Variants in PRDM11 observed in about 807,000 individuals in gnomAD.
PRDM11 encodes the protein PR domain-containing protein 11.
Under a neutral mutation model 97.8 loss-of-function variants are expected in PRDM11, and 20 were observed. That is an observed-to-expected ratio of 0.20 (90% CI 0.14 to 0.30). The LOEUF (loss-of-function observed/expected upper bound fraction) is 0.30, where lower values mean the gene tolerates loss of function less well. Ranked by LOEUF, PRDM11 falls within the 10% of genes least tolerant of loss-of-function variation. The probability of loss-of-function intolerance (pLI) is 1.00; values close to 1 mark genes in which losing one functional copy is unlikely to be tolerated. For synonymous variants in PRDM11, 599 were observed against 637.7 expected (o/e 0.94, Z 0.91); for missense variants, 1,139 against 1,555.2 (o/e 0.73, Z 4.50).
At chr11:45,103,217 G>A (rs1852008457) in intron 1 of PRDM11, among the ~76,000 whole-genome samples, 1 of 152,114 alleles carries the variant, frequency 6.6e-6, no homozygotes, top group Non-Finnish European at 1.5e-5. Flanking sequence ...CAGAAACCCT[G>A]ACCACCCCGC....
intron 1 of PRDM11, among the ~76,000 whole-genome samples, chr11:45,162,740 A>G (rs931519766): frequency 3.9e-5 from 6 of 152,210 alleles, no homozygotes; most frequent in African/African-American, 1.2e-4. Context: ...CAGAGGATGT[A>G]TGGGAGCCAC....
At position 45,233,351 on chromosome 11, in the gene PRDM11, A is replaced by G. The variant is rs932474778; in HGVS notation, c.*5192A>G. ...CTCCATGCACTTTCTCTCCTTTTCC[A>G]CAGGCTTGGTCTGAGGTTGGAAGGA... On this transcript the variant is annotated 3_prime_UTR_variant, in exon 8 of 8. Transcript: ENST00000683152. The G allele has an allele frequency of 5.3e-5, 8 of 152,062 alleles. No homozygotes were observed. The highest frequency in any genetic ancestry group is 1.9e-4 in the African/African-American group (8 of 41,378). 9.4% of individuals were successfully genotyped at this position (152,062 alleles called of 1,614,324 possible).
intron 1 of PRDM11, among the ~76,000 whole-genome samples, chr11:45,119,619 C>CA (rs56367204): frequency 0.019 from 838 of 43,070 alleles, 159 homozygotes; most frequent in East Asian, 0.081. Context: ...GATTCTGTCT[C>CA]AAAAAAAAAA....
intron 1 of PRDM11, among the ~76,000 whole-genome samples, chr11:45,180,594 C>G (rs1852451037): frequency 6.6e-6 from 1 of 151,438 alleles, no homozygotes; most frequent in Non-Finnish European, 1.5e-5. Context: ...CGCCCCCCTC[C>G]CGGCCGCCAG....
intron 1 of PRDM11, among the ~76,000 whole-genome samples, chr11:45,174,160 G>T (rs1443524450): frequency 1.3e-5 from 2 of 152,046 alleles, no homozygotes; most frequent in African/African-American, 2.4e-5. Context: ...CTCTTTGGGG[G>T]TCTCCTTTCT....
chr11:45,192,401 T>C (rs1852947255), intron 4 of PRDM11, among the ~76,000 whole-genome samples: 1 of 152,222 alleles, frequency 6.6e-6, no homozygotes, highest in Non-Finnish European at 1.5e-5. Context: ...AAGCATTAAA[T>C]GGGCTCAGCT....
intron 1 of PRDM11, among the ~76,000 whole-genome samples, chr11:45,122,196 C>CAG (rs1565237300): frequency 4.4e-5 from 5 of 113,616 alleles, no homozygotes; most frequent in Non-Finnish European, 7.8e-5. Context: ...GACAGACACA[C>CAG]ACACAGACAC....
At chr11:45,156,592 T>A (rs904596037) in intron 1 of PRDM11, among the ~76,000 whole-genome samples, 1 of 152,268 alleles carries the variant, frequency 6.6e-6, no homozygotes, top group Non-Finnish European at 1.5e-5. Flanking sequence ...ACATCATTTT[T>A]AATTTTATTT....
intron 5 of PRDM11, among the ~76,000 whole-genome samples, chr11:45,210,906 A>G (rs1012179529): frequency 1.3e-5 from 2 of 152,126 alleles, no homozygotes; most frequent in Non-Finnish European, 2.9e-5. Context: ...AGCATCCAGT[A>G]AAGCCTGTTC....
chr11:45,219,405 C>A lies in PRDM11; in HGVS notation c.555-165C>A, dbSNP rs1386980743. 6.6e-6 allele frequency among the ~76,000 whole-genome samples: 1 copy of A among 152,174 alleles called. No individual in the cohort carries two copies. Among genetic ancestry groups the A allele is most frequent in the Admixed American group, 6.5e-5 (1 of 15,274 alleles). ...ACGTTGGGACAGGGATGGGTTCTGG[C>A]TGGTGCTGCTTCTCCGGACAGGGCA... On this transcript the variant is annotated intron_variant, in intron 5 of 7. Transcript: ENST00000683152. The surrounding 1 kb of genome is among the most constrained non-coding windows in gnomAD (Gnocchi z 4.2).
At chr11:45,128,163 A>T (rs969898455) in intron 1 of PRDM11, among the ~76,000 whole-genome samples, 20 of 152,202 alleles carry the variant, frequency 1.3e-4, no homozygotes, top group African/African-American at 2.7e-4. Context: ...TGCAGGATAT[A>T]ATCTCCTGGT....
At chr11:45,103,303 A>G (rs1852010076) in intron 1 of PRDM11, among the ~76,000 whole-genome samples, 1 of 152,204 alleles carries the variant, frequency 6.6e-6, no homozygotes, top group Non-Finnish European at 1.5e-5. Context: ...CTGATGGTAG[A>G]CATATGAAAC....
intron 1 of PRDM11, among the ~76,000 whole-genome samples, chr11:45,137,574 G>A (rs1228164798): frequency 6.6e-6 from 1 of 152,124 alleles, no homozygotes; most frequent in Admixed American, 6.6e-5. Context: ...AACATGGCGA[G>A]ACCTCCTCTC....
Position 45,227,807 on chromosome 11 carries a change from T to C in PRDM11, c.3182T>C (p.Ile1061Thr). The C allele has an allele frequency of 1.3e-6, 2 of 1,533,836 alleles. No homozygotes were observed. Among genetic ancestry groups the C allele is most frequent in the East Asian group, 4.9e-5 (2 of 40,926 alleles). The change falls in exon 8 of 8, where the codon ATT (isoleucine) becomes ACT (threonine). Residue 1061 changes from isoleucine (I) to threonine (T), a missense_variant. Ile to Thr is a moderately conservative substitution (Grantham distance 89, BLOSUM62 -1). Coordinates refer to ENST00000683152, the MANE Select transcript of PRDM11 (RefSeq NM_001384648.1). This position sits in a 1 kb window ranked among gnomAD's most constrained non-coding sequence, Gnocchi z 8.0. ...KNGFKDLISH[I>T]CKYKQRFPLL... ...GGCTTCAAAGACCTGATCAGCCACA[T>C]TTGCAAGTACAAACAGAGGTTTCCA...
intron 1 of PRDM11, among the ~76,000 whole-genome samples, chr11:45,147,979 G>A (rs79755368): frequency 0.034 from 5,185 of 152,220 alleles, 278 homozygotes; most frequent in African/African-American, 0.11. Context: ...ATTTTCTGTG[G>A]AGCATGATGC....
chr11:45,146,739 C>T lies in PRDM11; in HGVS notation c.-145C>T, dbSNP rs950451137. ...CGAGGCTGGCGCTGAAACTTTGCCT[C>T]GCCGGGGACCAGCGCGCCCGCAGCG... is the stretch of plus-strand genomic sequence containing the variant. On this transcript the variant is annotated 5_prime_UTR_variant, in exon 1 of 8. Transcript: ENST00000683152. 1 of 149,340 alleles carries T rather than the reference C, an allele frequency of 6.7e-6. No homozygotes were observed. The highest frequency in any genetic ancestry group is 1.5e-5 in the Non-Finnish European group (1 of 67,100). 9.3% of individuals were successfully genotyped at this position (149,340 alleles called of 1,614,324 possible). A position where few individuals can be genotyped will look rare whatever the true frequency, so the allele number is the denominator to read the frequency against.
intron 5 of PRDM11, among the ~76,000 whole-genome samples, chr11:45,208,681 C>T (rs989095480): frequency 1.3e-5 from 2 of 152,132 alleles, no homozygotes; most frequent in Non-Finnish European, 2.9e-5. Context: ...TCCCATGTAA[C>T]GCCGTCTCTT....
chr11:45,224,449 G>A lies in PRDM11; in HGVS notation c.975G>A (p.Leu325=). The A allele has an allele frequency of 6.2e-7, 1 of 1,614,188 alleles. No individual in the cohort carries two copies. The highest frequency in any genetic ancestry group is 8.5e-7 in the Non-Finnish European group (1 of 1,180,030). Residue 325 remains leucine, a synonymous_variant, in exon 7 of 8, where the codon CTG becomes CTA. Coordinates refer to ENST00000683152, the MANE Select transcript of PRDM11 (RefSeq NM_001384648.1). ...AGGTGGAAGCCCACCAGTTGGCCCT[G>A]AGCACCTCACTGGTCATCAGGAAAG... is the stretch of plus-strand genomic sequence containing the variant. ...SAKVEAHQLA[L]STSLVIRKVP...
intron 1 of PRDM11, among the ~76,000 whole-genome samples, chr11:45,101,763 G>A (rs112134309): frequency 0.75 from 513 of 682 alleles, 172 homozygotes; most frequent in African/African-American, 0.85. Context: ...GAGGCTGAGC[G>A]GAGGAAGAAG....
Sources: gnomAD v4.1 joint callset for allele counts (sites outside exome capture counted in the v4.1 genomes callset) on GRCh38, gnomAD v4.1.1 for gene constraint, Gnocchi (gnomAD v3.1) non-coding constraint, MANE v1.5 for transcripts, NCBI Gene and HGNC (gene_info 2026-07-23, HGNC 2026-07-21) for gene names.